Variants in GAK observed in about 807,000 individuals in gnomAD.
GAK encodes the protein cyclin-G-associated kinase.
In GAK, 79 loss-of-function variants were observed where a neutral mutation model predicts 143.9. That is an observed-to-expected ratio of 0.55 (90% CI 0.46 to 0.66). The LOEUF is 0.66. GAK is among the 30% of genes least tolerant of loss of function. The probability of loss-of-function intolerance (pLI) is 0.00; values close to 1 mark genes in which losing one functional copy is unlikely to be tolerated. For synonymous variants in GAK, 881 were observed against 765.5 expected, an observed-to-expected ratio of 1.15 and a Z score of -2.49; for missense variants, 1,693 against 1,779.7, an observed-to-expected ratio of 0.95 and a Z score of 0.88.
intron 17 of GAK, among the ~76,000 whole-genome samples, 169 bp downstream of exon 17, chr4:876,921 C>A (rs564853972): frequency 2.0e-5 from 3 of 152,214 alleles, no homozygotes; most frequent in African/African-American, 7.2e-5. Context: ...GTCAAGTGCA[C>A]GGGGCAAGCA....
At chr4:912,223 C>T in intron 3 of GAK, 1 of 448,600 alleles carries the variant, frequency 2.2e-6, no homozygotes, top group Non-Finnish European at 4.5e-6. Context: ...GGGCCGAAGA[C>T]TCCAGGCTCA....
chr4:851,985 G>A lies in GAK; in HGVS notation c.3284-11C>T, dbSNP rs201573243. The A allele has an allele frequency of 2.5e-5, 41 of 1,608,252 alleles. No homozygotes were observed. Among genetic ancestry groups the A allele is most frequent in the East Asian group, 8.9e-5 (4 of 44,790 alleles). On this transcript the variant is annotated splice_polypyrimidine_tract_variant and intron_variant, in intron 24 of 27. Transcript: ENST00000314167. ...ATCCAGCTGGTGAGCCTGTGGAGAT[G>A]GAGATCGGAAACTCGGCATCTGGTT...
intron 18 of GAK, 27 bp downstream of exon 18, chr4:876,503 C>CACCGAGCACAAGCGGT: frequency 1.2e-6 from 2 of 1,605,382 alleles, no homozygotes; most frequent in Non-Finnish European, 1.7e-6. Flanking sequence ...TGTCCCTCCC[C>CACCGAGCACAAGCGGT]ACCGAGCACA....
intron 11 of GAK, 47 bp from the exon 12 acceptor site, chr4:884,133 C>G (rs951305907): frequency 1.9e-6 from 3 of 1,551,040 alleles, no homozygotes; most frequent in Non-Finnish European, 2.7e-6. Flanking sequence ...AAACACTCCG[C>G]AGTTAGGTCA....
intron 23 of GAK, among the ~76,000 whole-genome samples, chr4:862,194 G>C (rs1217501329): frequency 1.3e-5 from 2 of 151,968 alleles, no homozygotes; most frequent in Non-Finnish European, 2.9e-5. Flanking sequence ...GACGGCCTAA[G>C]TCATCCGCTA....
rs1751164116 is a variant in GAK at position 866,361 on chromosome 4, T to C, written c.3043+3A>G. ...AGCTGGCTGCCAGGCGAGAGGCACTTACCCAGGTGCAGGAAGTCGGCGCTG... is the reference window on the plus strand; with the variant it reads ...AGCTGGCTGCCAGGCGAGAGGCACTCACCCAGGTGCAGGAAGTCGGCGCTG... On this transcript the variant is annotated splice_donor_region_variant and intron_variant, in intron 22 of 27. Coordinates refer to ENST00000314167, the MANE Select transcript of GAK (RefSeq NM_005255.4). 2 of 1,613,596 alleles carry C rather than the reference T, an allele frequency of 1.2e-6. No individual in the cohort carries two copies. Among genetic ancestry groups the C allele is most frequent in the African/African-American group, 1.3e-5 (1 of 74,916 alleles).
chr4:920,537 C>T (rs976688377), intron 1 of GAK, among the ~76,000 whole-genome samples: 4 of 77,434 alleles, frequency 5.2e-5, no homozygotes, highest in Admixed American at 1.2e-4. Context: ...AGGTTTAGAG[C>T]CATTTTTTTT....
At chr4:911,313 G>C (rs530491075) in intron 4 of GAK, among the ~76,000 whole-genome samples, 1 of 152,172 alleles carries the variant, frequency 6.6e-6, no homozygotes, top group Non-Finnish European at 1.5e-5. Flanking sequence ...AGGGACCCCA[G>C]AGCCCTGAGA....
At chr4:903,585 G>A (rs951768372) in intron 5 of GAK, among the ~76,000 whole-genome samples, 2 of 151,368 alleles carry the variant, frequency 1.3e-5, no homozygotes, top group African/African-American at 4.9e-5. Flanking sequence ...ACCACTGGGG[G>A]GCTGAGGAAG....
intron 1 of GAK, among the ~76,000 whole-genome samples, chr4:931,211 G>A (rs1407783748): frequency 6.6e-6 from 1 of 152,232 alleles, no homozygotes; most frequent in Non-Finnish European, 1.5e-5. Flanking sequence ...ATAGCATGCA[G>A]AGACAAAACT....
In GAK at chr4:882,028, C is replaced by T. The variant is rs374987786; in HGVS notation, c.1540G>A (p.Ala514Thr). 22 of 1,605,088 alleles carry T rather than the reference C, an allele frequency of 1.4e-5. No homozygotes were observed. The East Asian group carries it at 2.0e-4, about 15-fold the overall frequency. ...AAGGAGCAGACGGCCACAGCAGACG[C>T]GGCTCTCCCGTCCTAGGACAGACAG... ...CVVHCMDGRA[A>T]SAVAVCSFLC... Residue 514 changes from alanine to threonine, a missense_variant, in exon 15 of 28, where the codon GCG becomes ACG. Ala to Thr is a moderately conservative substitution (Grantham distance 58). Coordinates refer to ENST00000314167, the MANE Select transcript of GAK (RefSeq NM_005255.4).
At chr4:851,542 A>C in intron 25 of GAK, 1 of 606,762 alleles carries the variant, frequency 1.6e-6, no homozygotes, top group Non-Finnish European at 2.9e-6. Flanking sequence ...CAGGTCAAGA[A>C]GGTGTCACTG....
intron 18 of GAK, among the ~76,000 whole-genome samples, chr4:874,555 T>TGCA (rs1384127747): frequency 6.6e-6 from 1 of 152,186 alleles, no homozygotes; most frequent in African/African-American, 2.4e-5. Context: ...GGTGTCACTC[T>TGCA]GCAGGTCATG....
rs747272315 is a variant in GAK at position 883,470 on chromosome 4, C to G, written c.1256-7G>C. 11 of 1,613,110 alleles carry G rather than the reference C, an allele frequency of 6.8e-6. No individual in the cohort carries two copies. In the Admixed American group the frequency reaches 1.0e-4, roughly 15 times the overall value. On this transcript the variant is annotated splice_region_variant and splice_polypyrimidine_tract_variant and intron_variant, in intron 12 of 27. Coordinates refer to ENST00000314167, the MANE Select transcript of GAK (RefSeq NM_005255.4). ...TCTGCTGGGAATGACATCACTGAAA[C>G]AAGCAGACCTGCGTCAGCACCTGGG...
chr4:912,246 G>T, intron 3 of GAK: 1 of 440,364 alleles, frequency 2.3e-6, no homozygotes, highest in Admixed American at 2.4e-5. Flanking sequence ...AGGGACATGT[G>T]GCAGTGGACA....
chr4:932,044 T>A lies in GAK; in HGVS notation c.144A>T (p.Glu48Asp). Residue 48 changes from glutamate to aspartate, a missense_variant and splice_region_variant, in exon 1 of 28, where the codon GAA (glutamate) becomes GAT (aspartate). By Grantham distance (45) the Glu-to-Asp change is conservative. Around this residue, in one of 2 missense-constraint regions of GAK, gnomAD observed 871 missense variants for 991.0 expected, o/e 0.88. Transcript: ENST00000314167. This position sits in a 1 kb window ranked among gnomAD's most constrained non-coding sequence, Gnocchi z 4.0. Reference protein sequence around the residue: ...LRLRVRRVLAEGGFAFVYEAQ... With the variant: ...LRLRVRRVLADGGFAFVYEAQ... ...CGCGCTGCCGACCCGGGGCCTCACCTTCGGCCAGGACCCGCCGCACCCGCA... is the reference window on the plus strand; with the variant it reads ...CGCGCTGCCGACCCGGGGCCTCACCATCGGCCAGGACCCGCCGCACCCGCA... 6.3e-7 allele frequency: 1 copy of A among 1,582,436 alleles called. No homozygotes were observed.
At position 859,672 on chromosome 4, in the gene GAK, T is replaced by C; in HGVS notation, c.3217A>G (p.Ser1073Gly). ...TCCGGGTTCTGAGACTTGGTCCAGC[T>C]GGCCTGAGAGCCACAAGGGGCCGGC... The part of the protein sequence containing the change: ...GQPAPCGSQA[S>G]WTKSQNPDPF... Residue 1073 changes from serine to glycine, a missense_variant, in exon 24 of 28, where the codon AGC (serine) becomes GGC (glycine). Physicochemically the swap from Ser to Gly is moderately conservative, Grantham distance 56. Around this residue, in one of 2 missense-constraint regions of GAK, gnomAD observed 822 missense variants for 788.7 expected, o/e 1.04. Transcript: ENST00000314167. 6.2e-7 allele frequency: 1 copy of C among 1,602,812 alleles called. No individual in the cohort carries two copies.
At chr4:928,110 T>G (rs1436929229) in intron 1 of GAK, among the ~76,000 whole-genome samples, 8 of 152,148 alleles carry the variant, frequency 5.3e-5, no homozygotes. Flanking sequence ...CAGGCTGGAG[T>G]GCAGTGGTGC....
At chr4:887,104 TCC>T (rs1486699327) in intron 11 of GAK, 6 of 147,298 alleles carry the variant, frequency 4.1e-5, no homozygotes, top group African/African-American at 1.5e-4. Flanking sequence ...CGCACAGCAC[TCC>T]TACACACGCT....
Sources: gnomAD v4.1 joint callset for allele counts (sites outside exome capture counted in the v4.1 genomes callset) on GRCh38, gnomAD v4.1.1 for gene constraint, gnomAD v4.1.1 regional missense constraint, Gnocchi (gnomAD v3.1) non-coding constraint, MANE v1.5 for transcripts, NCBI Gene and HGNC (gene_info 2026-07-23, HGNC 2026-07-21) for gene names.